INSR: variants seen among roughly 807,000 people sequenced by gnomAD.
The protein encoded by INSR is IR.
Under a neutral mutation model 142.6 loss-of-function variants are expected in INSR, and 67 were observed. That is an observed-to-expected ratio of 0.47 (90% CI 0.39 to 0.58). INSR has a LOEUF of 0.58. INSR is among the 20% of genes least tolerant of loss of function. The pLI is 0.00. For missense variants in INSR, 1,248 were observed against 1,833.2 expected (o/e 0.68, Z 5.83); for synonymous variants, 756 against 743.1 (o/e 1.02, Z -0.28).
chr19:7,150,714 C>A lies in INSR; in HGVS notation c.2232-182G>T, dbSNP rs762418792. Among the ~76,000 whole-genome samples, 2 of 152,138 alleles carry A rather than the reference C, an allele frequency of 1.3e-5. No individual in the cohort carries two copies. Among genetic ancestry groups the A allele is most frequent in the Non-Finnish European group, 1.5e-5 (1 of 68,022 alleles). ...CATCTTCCCCAGCAGGTGCAGGGGT[C>A]CAGCAAGGGAAGGGGAAGAAATCAG... On this transcript the variant is annotated intron_variant, in intron 10 of 21. Transcript: ENST00000302850. The surrounding 1 kb of genome is among the most constrained non-coding windows in gnomAD (Gnocchi z 4.2).
At chr19:7,179,496 A>G (rs1257206471) in intron 3 of INSR, among the ~76,000 whole-genome samples, 1 of 152,226 alleles carries the variant, frequency 6.6e-6, no homozygotes, top group Non-Finnish European at 1.5e-5. Flanking sequence ...CAAATGTTTG[A>G]CTTCTTTTAT....
At chr19:7,197,622 T>G (rs1419495576) in intron 2 of INSR, among the ~76,000 whole-genome samples, 1 of 141,238 alleles carries the variant, frequency 7.1e-6, no homozygotes, top group Admixed American at 7.2e-5. Flanking sequence ...TGGGAGTGTG[T>G]GTGTGTTTGG....
intron 5 of INSR, among the ~76,000 whole-genome samples, chr19:7,171,886 T>A (rs8100068): frequency 0.26 from 39,963 of 150,892 alleles, 7,017 homozygotes; most frequent in African/African-American, 0.5. Flanking sequence ...ATTTGATTTT[T>A]AAAAAATCCT....
intron 2 of INSR, among the ~76,000 whole-genome samples, chr19:7,249,705 AT>A (rs746717234): frequency 3.3e-5 from 5 of 152,012 alleles, no homozygotes; most frequent in Non-Finnish European, 5.9e-5. Context: ...TTAAAAAAAA[AT>A]TAGCGGCTGG....
At chr19:7,193,436 T>C (rs1568477223) in intron 2 of INSR, among the ~76,000 whole-genome samples, 1 of 149,818 alleles carries the variant, frequency 6.7e-6, no homozygotes, top group Non-Finnish European at 1.5e-5. Context: ...CACCTGAACC[T>C]GGGGAGCGGA....
intron 2 of INSR, among the ~76,000 whole-genome samples, chr19:7,198,060 C>T (rs980142908): frequency 6.6e-6 from 1 of 151,346 alleles, no homozygotes; most frequent in Non-Finnish European, 1.5e-5. Context: ...TGCGTGTGTG[C>T]CCGTGTCTGC....
chr19:7,128,927 A>G lies in INSR; in HGVS notation c.2870T>C (p.Ile957Thr), dbSNP rs1253377241. The G allele has an allele frequency of 6.2e-7, 1 of 1,613,726 alleles. No homozygotes were observed. The highest frequency in any genetic ancestry group is 1.3e-5 in the African/African-American group (1 of 75,056). Residue 957 changes from isoleucine (I) to threonine (T), a missense_variant, in exon 15 of 22, where the codon ATT (isoleucine) becomes ACT (threonine). By Grantham distance (89) the Ile-to-Thr change is moderately conservative. Around this residue, in one of 3 missense-constraint regions of INSR, gnomAD observed 1,069 missense variants for 1,654.0 expected, o/e 0.65. Transcript: ENST00000302850. The stretch of plus-strand genomic sequence containing the variant: ...GACAAAGATGAGGGGGCCGATGATA[A>G]TTTTTGCAATATTTGACGGGACGTC... ...YLDVPSNIAKIIIGPLIFVFL... is the reference protein window; with the variant it reads ...YLDVPSNIAKTIIGPLIFVFL...
chr19:7,267,943 G>T lies in INSR; in HGVS notation c.101-47C>A. 6.7e-7 allele frequency: 1 copy of T among 1,495,168 alleles called. No homozygotes were observed. The allele number at this position is 1,495,168 out of a possible 1,614,324, so 92.6% of individuals were successfully genotyped here. A position where few individuals can be genotyped will look rare whatever the true frequency, so the allele number is the denominator to read the frequency against. On this transcript the variant is annotated intron_variant, in intron 1 of 21. Coordinates refer to ENST00000302850, the MANE Select transcript of INSR (RefSeq NM_000208.4). The surrounding 1 kb of genome is among the most constrained non-coding windows in gnomAD (Gnocchi z 6.3). The stretch of plus-strand genomic sequence containing the variant: ...AAGCAAGACAGGTGAGCAGACGCAC[G>T]GTGGATGCATCAGAAGGATCAGGGG...
At chr19:7,130,162 G>A (rs1972741518) in intron 14 of INSR, among the ~76,000 whole-genome samples, 1 of 152,186 alleles carries the variant, frequency 6.6e-6, no homozygotes, top group Non-Finnish European at 1.5e-5. Context: ...TACAGATGAG[G>A]AAGTGCAGGA....
At chr19:7,152,378 CAAAAA>C (rs375635473) in intron 10 of INSR, 3,602 of 296,060 alleles carry the variant, frequency 0.012, 111 homozygotes, top group African/African-American at 0.07. Context: ...GAGACTCTGT[CAAAAA>C]AAAAAAAAAA....
At chr19:7,252,925 C>T (rs933064358) in intron 2 of INSR, among the ~76,000 whole-genome samples, 1 of 152,098 alleles carries the variant, frequency 6.6e-6, no homozygotes, top group Non-Finnish European at 1.5e-5. Context: ...ACCATCCTGG[C>T]CAACATGGTG....
intron 3 of INSR, among the ~76,000 whole-genome samples, chr19:7,181,300 G>C (rs892131504): frequency 1.3e-4 from 20 of 152,150 alleles, no homozygotes; most frequent in African/African-American, 4.8e-4. Flanking sequence ...CAAAGAGATT[G>C]TTCAAGGGGA....
rs1388440890 is a variant in INSR, at chr19:7,119,796, A to C, written c.3660-213T>G. ...CGCATGCGCACACATGCACACACAA[A>C]TATGCAAACACACAAACACATATAC... On this transcript the variant is annotated intron_variant, in intron 20 of 21. Coordinates refer to ENST00000302850, the MANE Select transcript of INSR (RefSeq NM_000208.4). The surrounding 1 kb of genome is among the most constrained non-coding windows in gnomAD (Gnocchi z 5.2). Among the ~76,000 whole-genome samples, 2 of 150,240 alleles carry C rather than the reference A, an allele frequency of 1.3e-5. No homozygotes were observed. The highest frequency in any genetic ancestry group is 4.9e-5 in the African/African-American group (2 of 40,832).
chr19:7,192,312 A>AAAAG lies in INSR; in HGVS notation c.653-7676_653-7675insCTTT, dbSNP rs1411887779. On this transcript the variant is annotated intron_variant, in intron 2 of 21. Transcript: ENST00000302850. The surrounding 1 kb of genome is among the most constrained non-coding windows in gnomAD (Gnocchi z 4.2). ...GAAAAGAAAAGAAAAGAAAAGAAAAAAATCACAGGCAGCCCAGGCTGGGGA... is the reference window on the plus strand; with the variant it reads ...GAAAAGAAAAGAAAAGAAAAGAAAAAAAAGAATCACAGGCAGCCCAGGCTGGGGA... Among the ~76,000 whole-genome samples, 1 of 143,178 alleles carries AAAAG rather than the reference A, an allele frequency of 7.0e-6. No homozygotes were observed. Among genetic ancestry groups the AAAAG allele is most frequent in the Non-Finnish European group, 1.6e-5 (1 of 64,398 alleles). The allele number at this position is 143,178 out of a possible 152,430, so 93.9% of individuals were successfully genotyped here.
chr19:7,149,739 TTGA>T (rs1261188733), intron 11 of INSR, among the ~76,000 whole-genome samples: 9 of 151,646 alleles, frequency 5.9e-5, no homozygotes, highest in Non-Finnish European at 4.4e-5. Flanking sequence ...GGAGAATTGC[TTGA>T]ACCCGGGAGG....
chr19:7,250,415 A>C (rs1976679135), intron 2 of INSR, among the ~76,000 whole-genome samples: 1 of 147,594 alleles, frequency 6.8e-6, no homozygotes, highest in South Asian at 2.2e-4. Flanking sequence ...AAGAAATAAA[A>C]AGAAAGCAAG....
At chr19:7,164,063 C>T (rs903666357) in intron 8 of INSR, among the ~76,000 whole-genome samples, 2 of 140,040 alleles carry the variant, frequency 1.4e-5, no homozygotes, top group African/African-American at 5.4e-5. Flanking sequence ...CATTGAACTC[C>T]AGCCTGAGAG....
In INSR at chr19:7,135,412, T is replaced by A. The variant is rs142818867; in HGVS notation, c.2683-3095A>T. 6.2e-3 allele frequency among the ~76,000 whole-genome samples: 850 copies of A among 137,068 alleles called. 7 individuals carry two copies. The highest frequency in any genetic ancestry group is 0.042 in the East Asian group (197 of 4,684). The allele number at this position is 137,068 out of a possible 152,430, so 89.9% of individuals were successfully genotyped here. ...CTCACTGCGACCTCCGCCTCCCGAG[T>A]TCAAGCGATTCTCCTGCCTCAGCCT... On this transcript the variant is annotated intron_variant, in intron 13 of 21. Coordinates refer to ENST00000302850, the MANE Select transcript of INSR (RefSeq NM_000208.4).
At chr19:7,154,300 C>CT (rs762914829) in intron 9 of INSR, among the ~76,000 whole-genome samples, 4,886 of 107,286 alleles carry the variant, frequency 0.046, 532 homozygotes, top group African/African-American at 0.14. Context: ...ACCACAATTA[C>CT]TTTTTTTTTT....
Sources: gnomAD v4.1 joint callset for allele counts (sites outside exome capture counted in the v4.1 genomes callset) on GRCh38, gnomAD v4.1.1 for gene constraint, gnomAD v4.1.1 regional missense constraint, Gnocchi (gnomAD v3.1) non-coding constraint, MANE v1.5 for transcripts, NCBI Gene and HGNC (gene_info 2026-07-23, HGNC 2026-07-21) for gene names.